The following FRMD3 variants were observed in gnomAD, a reference collection of about 807,000 sequenced individuals.
FRMD3 encodes the protein FERM domain containing 3.
Under a neutral mutation model 70.2 loss-of-function variants are expected in FRMD3, and 33 were observed. The ratio of observed to expected loss-of-function variants is 0.47; its 90% confidence interval spans 0.36 to 0.63. FRMD3 has a LOEUF of 0.63. Among genes scored for constraint, FRMD3 ranks in the 20% least tolerant of loss-of-function variants. FRMD3 has a pLI of 0.00. For missense variants in FRMD3, 632 were observed against 711.4 expected, an observed-to-expected ratio of 0.89 and a Z score of 1.27; for synonymous variants, 279 against 255.9, an observed-to-expected ratio of 1.09 and a Z score of -0.86.
chr9:83,336,472 T>C (rs1326318726), intron 5 of FRMD3, among the ~76,000 whole-genome samples: 1 of 151,286 alleles, frequency 6.6e-6, no homozygotes, highest in African/African-American at 2.4e-5. Context: ...GTGTCAGGAA[T>C]TCCCTGACTG....
chr9:83,422,747 A>C (rs1156470604), intron 1 of FRMD3, among the ~76,000 whole-genome samples: 1 of 152,206 alleles, frequency 6.6e-6, no homozygotes, highest in South Asian at 2.1e-4. Flanking sequence ...ACCAGGGAAC[A>C]GCTGGGAAGT....
At chr9:83,376,161 A>G (rs1359059090) in intron 2 of FRMD3, among the ~76,000 whole-genome samples, 18 of 46,476 alleles carry the variant, frequency 3.9e-4, no homozygotes, top group Middle Eastern at 0.011. Flanking sequence ...ATTCTGTTTA[A>G]AAAAAAAAAA....
intron 8 of FRMD3, among the ~76,000 whole-genome samples, chr9:83,311,163 T>C (rs1168827988): frequency 6.6e-6 from 1 of 151,814 alleles, no homozygotes; most frequent in Non-Finnish European, 1.5e-5. Flanking sequence ...AGGAGACACA[T>C]GGAAGGGGCT....
At chr9:83,482,534 G>T (rs1828591871) in intron 1 of FRMD3, among the ~76,000 whole-genome samples, 1 of 152,190 alleles carries the variant, frequency 6.6e-6, no homozygotes, top group African/African-American at 2.4e-5. Context: ...ATGGAGACAG[G>T]TGTACAATGT....
Position 83,247,189 on chromosome 9 carries a change from C to T in FRMD3, c.*729G>A. 1 of 985,376 alleles carries T rather than the reference C, an allele frequency of 1.0e-6. No individual in the cohort carries two copies. The highest frequency in any genetic ancestry group is 4.7e-5 in the South Asian group (1 of 21,280). The allele number at this position is 985,376 out of a possible 1,614,324, so 61.0% of individuals were successfully genotyped here. On this transcript the variant is annotated 3_prime_UTR_variant, in exon 14 of 14. Transcript: ENST00000304195. The stretch of plus-strand genomic sequence containing the variant: ...TTTCTACATCCTCCAGTTCCATCCT[C>T]TGTTTTAGCAGCTTACTTACTATAG...
intron 1 of FRMD3, among the ~76,000 whole-genome samples, chr9:83,454,716 A>G (rs1827769341): frequency 6.6e-6 from 1 of 152,166 alleles, no homozygotes; most frequent in Non-Finnish European, 1.5e-5. Context: ...ATTATACAAG[A>G]TGGCACACTG....
At chr9:83,504,399 A>G (rs1829137861) in intron 1 of FRMD3, among the ~76,000 whole-genome samples, 1 of 152,138 alleles carries the variant, frequency 6.6e-6, no homozygotes, top group African/African-American at 2.4e-5. Flanking sequence ...ATTCTCTACC[A>G]AAGCTTTCCA....
intron 2 of FRMD3, among the ~76,000 whole-genome samples, chr9:83,373,327 G>A (rs1219568795): frequency 1.3e-5 from 2 of 152,112 alleles, no homozygotes; most frequent in Non-Finnish European, 2.9e-5. Flanking sequence ...TGACATCCAC[G>A]ACCTCAAAGA....
chr9:83,515,289 G>A (rs1170504839), intron 1 of FRMD3, among the ~76,000 whole-genome samples: 1 of 152,144 alleles, frequency 6.6e-6, no homozygotes, highest in Non-Finnish European at 1.5e-5. Context: ...ACCTGATGGA[G>A]CTGAAAAACA....
At chr9:83,259,171 T>C (rs1832866551) in intron 13 of FRMD3, among the ~76,000 whole-genome samples, 1 of 152,220 alleles carries the variant, frequency 6.6e-6, no homozygotes, top group Non-Finnish European at 1.5e-5. Flanking sequence ...AGAATTATTT[T>C]GTATACCACA....
chr9:83,296,861 T>C (rs1314951524), intron 12 of FRMD3, among the ~76,000 whole-genome samples: 1 of 152,194 alleles, frequency 6.6e-6, no homozygotes, highest in African/African-American at 2.4e-5. Flanking sequence ...AGAGCCTGGC[T>C]ACTCAAAGTA....
intron 1 of FRMD3, among the ~76,000 whole-genome samples, chr9:83,437,330 T>A (rs1186144069): frequency 6.6e-6 from 1 of 152,226 alleles, no homozygotes; most frequent in Non-Finnish European, 1.5e-5. Flanking sequence ...GCAAATTTTA[T>A]CTCAGCATTG....
intron 3 of FRMD3, among the ~76,000 whole-genome samples, chr9:83,368,221 G>T (rs988937030): frequency 3.3e-5 from 5 of 152,184 alleles, no homozygotes; most frequent in African/African-American, 1.2e-4. Context: ...ACACTGTTCA[G>T]CATCCTGTCT....
intron 6 of FRMD3, among the ~76,000 whole-genome samples, chr9:83,322,714 C>T (rs2131093923): frequency 6.6e-6 from 1 of 152,284 alleles, no homozygotes; most frequent in South Asian, 2.1e-4. Flanking sequence ...AAAAGCTGAT[C>T]CCTGGAGGTT....
intron 1 of FRMD3, among the ~76,000 whole-genome samples, chr9:83,437,939 G>C (rs1314274913): frequency 6.6e-6 from 1 of 152,132 alleles, no homozygotes. Flanking sequence ...GAGAGTGCAG[G>C]ATAAAAAGAG....
At chr9:83,539,250 T>TC, upstream of FRMD3, among the ~76,000 whole-genome samples, 1 of 152,228 alleles carries the variant, frequency 6.6e-6, no homozygotes, top group East Asian at 1.9e-4. Context: ...ACTCTGGAAT[T>TC]CCCCACGCGC....
At chr9:83,441,006 C>A (rs968125932) in intron 1 of FRMD3, among the ~76,000 whole-genome samples, 4 of 152,164 alleles carry the variant, frequency 2.6e-5, no homozygotes, top group Non-Finnish European at 5.9e-5. Context: ...GAGAGACTCA[C>A]CACACACCCT....
chr9:83,371,896 A>G (rs1230652951), intron 3 of FRMD3, among the ~76,000 whole-genome samples: 1 of 152,196 alleles, frequency 6.6e-6, no homozygotes, highest in Non-Finnish European at 1.5e-5. Flanking sequence ...AGGCAGGGAA[A>G]AAGAAGAAAG....
chr9:83,518,110 T>C lies in FRMD3; in HGVS notation c.147+19975A>G, dbSNP rs115316370. On this transcript the variant is annotated intron_variant, in intron 1 of 13. Transcript: ENST00000304195. The stretch of plus-strand genomic sequence containing the variant: ...CAAGGATGCCCTCTTTCACCACTCC[T>C]GTTTGACAGTATTGGAAGTTCTGGC... 5.4e-3 allele frequency among the ~76,000 whole-genome samples: 824 copies of C among 152,316 alleles called. 9 individuals are homozygous for C. Among genetic ancestry groups the C allele is most frequent in the African/African-American group, 0.018 (765 of 41,562 alleles).
Sources: gnomAD v4.1 joint callset for allele counts (sites outside exome capture counted in the v4.1 genomes callset) on GRCh38, gnomAD v4.1.1 for gene constraint, MANE v1.5 for transcripts, NCBI Gene and HGNC (gene_info 2026-07-23, HGNC 2026-07-21) for gene names.